TIAM1: variants seen among roughly 807,000 people sequenced by gnomAD.
The protein encoded by TIAM1 is TIAM Rac1 associated GEF 1, also known as rho guanine nucleotide exchange factor TIAM1.
In TIAM1, 65 loss-of-function variants were observed where a neutral mutation model predicts 163.5. The observed-to-expected ratio is 0.40, with a 90% CI of 0.33 to 0.49. The LOEUF (loss-of-function observed/expected upper bound fraction) is 0.49. TIAM1 is among the 20% of genes least tolerant of loss of function. TIAM1 has a pLI of 0.77. For missense variants in TIAM1, 1,789 were observed against 2,044.7 expected (o/e 0.87, Z 2.41); for synonymous variants, 833 against 810.1 (o/e 1.03, Z -0.48).
intron 2 of TIAM1, among the ~76,000 whole-genome samples, chr21:31,288,367 G>A (rs1233082399): frequency 1.3e-5 from 2 of 152,136 alleles, no homozygotes; most frequent in Admixed American, 1.3e-4. Flanking sequence ...TCTAGGGGCT[G>A]GGAAGTCCAA....
intron 2 of TIAM1, chr21:31,452,970 G>A: frequency 3.9e-6 from 2 of 509,804 alleles, no homozygotes; most frequent in Non-Finnish European, 8.0e-6. Flanking sequence ...CAGGCTGAAT[G>A]GGGAAAAGTT....
At chr21:31,412,234 T>C (rs557852707) in intron 2 of TIAM1, among the ~76,000 whole-genome samples, 64 of 152,284 alleles carry the variant, frequency 4.2e-4, no homozygotes, top group African/African-American at 1.5e-3. Context: ...TGTGTACTCA[T>C]GGCTGTAGAG....
intron 16 of TIAM1, among the ~76,000 whole-genome samples, chr21:31,163,393 T>C (rs2146359042): frequency 6.6e-6 from 1 of 152,312 alleles, no homozygotes; most frequent in African/African-American, 2.4e-5. Context: ...AGTTGGTTTT[T>C]TAAATTTGCC....
chr21:31,127,737 G>A (rs1442164474), intron 25 of TIAM1, among the ~76,000 whole-genome samples: 1 of 152,086 alleles, frequency 6.6e-6, no homozygotes, highest in Non-Finnish European at 1.5e-5. Context: ...TTCCAGCCAT[G>A]CAGTCTGGTT....
chr21:31,201,510 T>C (rs1159739827), intron 12 of TIAM1, among the ~76,000 whole-genome samples: 2 of 152,206 alleles, frequency 1.3e-5, no homozygotes. Context: ...CAAAGCATGA[T>C]CACAGCAGTG....
chr21:31,388,924 A>C (rs568245305), intron 2 of TIAM1, among the ~76,000 whole-genome samples: 54 of 152,370 alleles, frequency 3.5e-4, no homozygotes, highest in African/African-American at 1.3e-3. Context: ...GGCTGCCAGC[A>C]GCAAGAAGCA....
intron 1 of TIAM1, among the ~76,000 whole-genome samples, chr21:31,491,126 T>TCGAAAGAAAGAAAGAA (rs2046454898): frequency 6.7e-6 from 1 of 149,962 alleles, no homozygotes; most frequent in Non-Finnish European, 1.5e-5. Flanking sequence ...TGAAATTCCG[T>TCGAAAGAAAGAAAGAA]CGAAAGAAAG....
chr21:31,197,764 C>A (rs2085953757), intron 12 of TIAM1, among the ~76,000 whole-genome samples: 1 of 152,150 alleles, frequency 6.6e-6, no homozygotes, highest in African/African-American at 2.4e-5. Context: ...CTCCATGAGA[C>A]AAGCGTGATG....
At chr21:31,193,402 G>A (rs1292713440) in intron 13 of TIAM1, among the ~76,000 whole-genome samples, 1 of 152,104 alleles carries the variant, frequency 6.6e-6, no homozygotes, top group Non-Finnish European at 1.5e-5. Context: ...GGTGCCTAGG[G>A]AACCAGCCTC....
Position 31,252,007 on chromosome 21 carries a change from C to G in TIAM1, c.1146G>C (p.Gly382=), listed in dbSNP as rs774331850. The change falls in exon 5 of 28, where the codon GGG becomes GGC. Residue 382 remains glycine (G), a synonymous_variant. Transcript: ENST00000541036. ...SSSTGDAARQ[G]VYENFRRELE... is the part of the protein sequence containing the mutation. ...GCTCCCGCCGGAAGTTCTCGTACAC[C>G]CCCTGACGAGCCGCATCCCCGGTGG... 1 of 1,613,896 alleles carries G rather than the reference C, an allele frequency of 6.2e-7. No homozygotes were observed.
At chr21:31,428,963 C>T (rs943084765) in intron 2 of TIAM1, among the ~76,000 whole-genome samples, 1 of 152,026 alleles carries the variant, frequency 6.6e-6, no homozygotes, top group African/African-American at 2.4e-5. Context: ...GCTTCATATC[C>T]TACTCTGGTG....
intron 15 of TIAM1, 88 bp downstream of exon 15, chr21:31,182,333 C>T: frequency 8.8e-7 from 1 of 1,130,852 alleles, no homozygotes; most frequent in Non-Finnish European, 1.2e-6. Flanking sequence ...CAGAGGCACT[C>T]ACTGAAACAC....
chr21:31,326,832 CT>C (rs1398079853), intron 2 of TIAM1, among the ~76,000 whole-genome samples: 16 of 152,242 alleles, frequency 1.1e-4, no homozygotes, highest in African/African-American at 3.4e-4. Flanking sequence ...TTTAAGATCC[CT>C]AGATGAAAAG....
chr21:31,262,889 T>C (rs560386303), intron 4 of TIAM1, among the ~76,000 whole-genome samples: 3 of 152,164 alleles, frequency 2.0e-5, no homozygotes, highest in East Asian at 1.9e-4. Context: ...TTAATATCTA[T>C]GATTCAAGCT....
At position 31,337,559 on chromosome 21, in the gene TIAM1, T is replaced by C. The variant is rs151166071; in HGVS notation, c.-189+1684A>G. Among the ~76,000 whole-genome samples the C allele has an allele frequency of 4.4e-3, 666 of 150,548 alleles. 4 individuals are homozygous for C. Among genetic ancestry groups the C allele is most frequent in the African/African-American group, 0.015 (626 of 40,472 alleles). Reference sequence around the variant, plus strand: ...TTATTATTATTATTTTGAGACAGAGTCTTGCTCTATTGCCCAGGCTGGAGT... The same window carrying C: ...TTATTATTATTATTTTGAGACAGAGCCTTGCTCTATTGCCCAGGCTGGAGT... On this transcript the variant is annotated intron_variant, in intron 2 of 27. Coordinates refer to ENST00000541036, the MANE Select transcript of TIAM1 (RefSeq NM_001353694.2).
intron 6 of TIAM1, among the ~76,000 whole-genome samples, chr21:31,244,603 T>C (rs2071394597): frequency 6.6e-6 from 1 of 152,196 alleles, no homozygotes; most frequent in Non-Finnish European, 1.5e-5. Context: ...CAGGTGCCTA[T>C]AGTCCCAGCT....
intron 20 of TIAM1, among the ~76,000 whole-genome samples, chr21:31,143,417 C>T (rs189863922): frequency 6.6e-6 from 1 of 150,748 alleles, no homozygotes; most frequent in South Asian, 2.1e-4. Context: ...AATACCCTCT[C>T]CCCGCAAAAA....
At chr21:31,288,300 T>C (rs977834390) in intron 2 of TIAM1, among the ~76,000 whole-genome samples, 4 of 152,270 alleles carry the variant, frequency 2.6e-5, no homozygotes, top group African/African-American at 9.6e-5. Context: ...TGGGCTGCTA[T>C]AACAAAATAC....
chr21:31,383,106 G>C (rs937844466), intron 2 of TIAM1, among the ~76,000 whole-genome samples: 6 of 152,092 alleles, frequency 3.9e-5, no homozygotes, highest in Admixed American at 2.0e-4. Flanking sequence ...CTGGCGTGGT[G>C]GTGGGCACCT....
Sources: allele counts gnomAD v4.1 joint callset (sites outside exome capture counted in the v4.1 genomes callset), GRCh38; gene constraint gnomAD v4.1.1; transcripts MANE v1.5; gene names NCBI Gene and HGNC (gene_info 2026-07-23, HGNC 2026-07-21).